KCNH7: variants seen among roughly 807,000 people sequenced by gnomAD.
The protein encoded by KCNH7 is voltage-gated inwardly rectifying potassium channel KCNH7.
In KCNH7, 49 loss-of-function variants were observed where a neutral mutation model predicts 120.8. The observed-to-expected ratio is 0.41, with a 90% CI of 0.32 to 0.51. The LOEUF is 0.51. Among genes scored for constraint, KCNH7 ranks in the 20% least tolerant of loss-of-function variants. KCNH7 has a pLI of 0.38. For synonymous variants in KCNH7, 547 were observed against 516.1 expected (o/e 1.06, Z -0.81); for missense variants, 1,097 against 1,446.6 (o/e 0.76, Z 3.92).
Position 162,829,608 on chromosome 2 carries a change from T to C in KCNH7, c.307+6929A>G, listed in dbSNP as rs556100507. ...ACACTTAGGTAACAGGTTAATAATT[T>C]CTGGTGAGTAGATTCCAACTGTTCA... On this transcript the variant is annotated intron_variant, in intron 2 of 15. Transcript: ENST00000332142. Among the ~76,000 whole-genome samples the C allele has an allele frequency of 7.2e-5, 11 of 152,266 alleles. No individual in the cohort carries two copies. The East Asian group carries it at 2.1e-3, about 29-fold the overall frequency.
chr2:162,593,731 A>G (rs1694288370), intron 2 of KCNH7, among the ~76,000 whole-genome samples: 1 of 152,044 alleles, frequency 6.6e-6, no homozygotes, highest in African/African-American at 2.4e-5. Flanking sequence ...TGTATTTTGC[A>G]AAACTCATTT....
At chr2:162,447,448 A>G (rs1055786057) in intron 6 of KCNH7, among the ~76,000 whole-genome samples, 1 of 152,112 alleles carries the variant, frequency 6.6e-6, no homozygotes, top group Non-Finnish European at 1.5e-5. Flanking sequence ...AAAAAGCTGA[A>G]ATTTTGTAAT....
intron 7 of KCNH7, among the ~76,000 whole-genome samples, chr2:162,440,540 C>G (rs1172036620): frequency 6.6e-6 from 1 of 152,004 alleles, no homozygotes. Flanking sequence ...CTTTGTTCAG[C>G]TTAACCACAT....
At chr2:162,714,884 T>C (rs767634946) in intron 2 of KCNH7, among the ~76,000 whole-genome samples, 7 of 152,212 alleles carry the variant, frequency 4.6e-5, no homozygotes, top group Non-Finnish European at 8.8e-5. Context: ...TAAAAAGAGA[T>C]AGTGGGCCAG....
intron 2 of KCNH7, among the ~76,000 whole-genome samples, chr2:162,758,802 A>G (rs1369177274): frequency 2.0e-5 from 3 of 152,168 alleles, no homozygotes; most frequent in Non-Finnish European, 2.9e-5. Context: ...ATAAAAATTA[A>G]AAGCAAATAA....
chr2:162,779,045 A>C (rs938154104), intron 2 of KCNH7, among the ~76,000 whole-genome samples: 1 of 151,272 alleles, frequency 6.6e-6, no homozygotes, highest in Non-Finnish European at 1.5e-5. Flanking sequence ...AATTTTAATT[A>C]CTTATCAACT....
intron 6 of KCNH7, among the ~76,000 whole-genome samples, chr2:162,452,944 A>G (rs1206010638): frequency 2.0e-5 from 3 of 151,688 alleles, no homozygotes; most frequent in Non-Finnish European, 4.4e-5. Context: ...CTCTTATTTT[A>G]TTTCATTTTT....
Position 162,634,367 on chromosome 2 carries a change from G to A in KCNH7, c.308-97287C>T, listed in dbSNP as rs1217606740. 7.9e-5 allele frequency among the ~76,000 whole-genome samples: 12 copies of A among 152,120 alleles called. No individual in the cohort carries two copies. In the East Asian group the frequency reaches 1.9e-3, roughly 25 times the overall value. ...AGAAGGGCATGCCGTCTTTATATCA[G>A]CAGCTAGGATGACGTATTGACAAGG... On this transcript the variant is annotated intron_variant, in intron 2 of 15. Transcript: ENST00000332142.
intron 3 of KCNH7, among the ~76,000 whole-genome samples, chr2:162,535,627 T>C (rs1692077980): frequency 6.6e-6 from 1 of 151,810 alleles, no homozygotes; most frequent in Non-Finnish European, 1.5e-5. Context: ...CAAGTTAACT[T>C]ATACAATTAA....
intron 2 of KCNH7, among the ~76,000 whole-genome samples, chr2:162,649,895 G>A (rs1160327401): frequency 6.6e-6 from 1 of 152,118 alleles, no homozygotes; most frequent in African/African-American, 2.4e-5. Flanking sequence ...CAGGTTATTT[G>A]ATAGCATGTG....
chr2:162,602,122 C>G (rs942071645), intron 2 of KCNH7, among the ~76,000 whole-genome samples: 1 of 151,980 alleles, frequency 6.6e-6, no homozygotes, highest in Admixed American at 6.6e-5. Flanking sequence ...CAATTTCATT[C>G]TGTTTTACTA....
intron 2 of KCNH7, among the ~76,000 whole-genome samples, chr2:162,573,948 C>T (rs946355779): frequency 7.2e-5 from 11 of 151,754 alleles, no homozygotes; most frequent in South Asian, 2.1e-4. Context: ...ATAAAAATCA[C>T]GAATATGTTA....
chr2:162,780,839 T>C (rs1683453929), intron 2 of KCNH7, among the ~76,000 whole-genome samples: 1 of 152,154 alleles, frequency 6.6e-6, no homozygotes. Flanking sequence ...TCGAAAAGTA[T>C]ACTGTTTAGA....
At chr2:162,817,767 T>C (rs1420692519) in intron 2 of KCNH7, among the ~76,000 whole-genome samples, 1 of 152,150 alleles carries the variant, frequency 6.6e-6, no homozygotes, top group East Asian at 1.9e-4. Context: ...TGGGTGCTAA[T>C]AGCATCTTAA....
intron 7 of KCNH7, among the ~76,000 whole-genome samples, chr2:162,435,989 G>C (rs943226112): frequency 6.6e-6 from 1 of 152,112 alleles, no homozygotes; most frequent in African/African-American, 2.4e-5. Context: ...TTTCCTAATA[G>C]AGACAGCTAT....
intron 2 of KCNH7, among the ~76,000 whole-genome samples, chr2:162,654,107 A>G (rs1478010454): frequency 6.6e-6 from 1 of 151,724 alleles, no homozygotes; most frequent in Non-Finnish European, 1.5e-5. Flanking sequence ...TTTTTTTGAA[A>G]TGACCCTAAA....
rs1221020219 is a variant in KCNH7, at chr2:162,642,400, TTCTTGTCTCTGAA to T, written c.308-105333_308-105321del. ...ATGAGTTGTACAGCCCTTAAGTTAA[TTCTTGTCTCTGAA>T]TCTTGTCTCTGTATGTACCATGACC... On this transcript the variant is annotated intron_variant, in intron 2 of 15. Coordinates refer to ENST00000332142, the MANE Select transcript of KCNH7 (RefSeq NM_033272.4). Among the ~76,000 whole-genome samples the T allele has an allele frequency of 3.3e-5, 5 of 152,308 alleles. No individual in the cohort carries two copies. In the East Asian group the frequency reaches 9.6e-4, roughly 29 times the overall value.
At chr2:162,604,725 A>G (rs1485732292) in intron 2 of KCNH7, among the ~76,000 whole-genome samples, 1 of 151,958 alleles carries the variant, frequency 6.6e-6, no homozygotes, top group Non-Finnish European at 1.5e-5. Context: ...CTTCAACTCT[A>G]TTTATCGTTT....
intron 6 of KCNH7, among the ~76,000 whole-genome samples, chr2:162,501,221 A>G (rs184659936): frequency 1.6e-4 from 25 of 152,174 alleles, no homozygotes; most frequent in Admixed American, 1.0e-3. Context: ...TATTATTTCT[A>G]GCAAGGACCA....
Sources: gnomAD v4.1 joint callset for allele counts (sites outside exome capture counted in the v4.1 genomes callset) on GRCh38, gnomAD v4.1.1 for gene constraint, MANE v1.5 for transcripts, NCBI Gene and HGNC (gene_info 2026-07-23, HGNC 2026-07-21) for gene names.